Variants in PCDH7 observed in about 807,000 individuals in gnomAD.
PCDH7 encodes protocadherin 7.
Under a neutral mutation model 58.9 loss-of-function variants are expected in PCDH7, and 17 were observed. That is an observed-to-expected ratio of 0.29 (90% CI 0.20 to 0.43). PCDH7 has a LOEUF of 0.43. Among genes scored for constraint, PCDH7 ranks in the 20% least tolerant of loss-of-function variants. PCDH7 has a pLI of 1.00. For synonymous variants in PCDH7, 664 were observed against 616.4 expected (o/e 1.08, Z -1.14); for missense variants, 1,274 against 1,441.0 (o/e 0.88, Z 1.88).
Position 30,750,384 on chromosome 4 carries a change from C to G in PCDH7, c.70+25788C>G, listed in dbSNP as rs1435096695. Among the ~76,000 whole-genome samples, 3 of 152,160 alleles carry G rather than the reference C, an allele frequency of 2.0e-5. No individual in the cohort carries two copies. The East Asian group carries it at 5.8e-4, about 29-fold the overall frequency. ...ATTGCAGTTCATATTGGTCAACCTC[C>G]TGGGCATAGAACATGATCACAATAA... On this transcript the variant is annotated intron_variant, in intron 1 of 3. Coordinates refer to the PCDH7 transcript ENST00000509759.
chr4:30,942,482 T>A (rs549659457), intron 2 of PCDH7, among the ~76,000 whole-genome samples: 43 of 152,078 alleles, frequency 2.8e-4, no homozygotes, highest in Middle Eastern at 3.4e-3. Context: ...CAGTGGAAAA[T>A]CTTTATTTTG....
chr4:31,126,607 C>A (rs561169355), intron 3 of PCDH7, among the ~76,000 whole-genome samples: 1 of 152,060 alleles, frequency 6.6e-6, no homozygotes, highest in Non-Finnish European at 1.5e-5. Flanking sequence ...GGAATTTTCC[C>A]CGAGATTTTA....
chr4:30,739,160 T>TATATTATA (rs1553876261), intron 1 of PCDH7, among the ~76,000 whole-genome samples: 9 of 145,438 alleles, frequency 6.2e-5, no homozygotes, highest in African/African-American at 1.8e-4. Flanking sequence ...TATATATATA[T>TATATTATA]TATATATATA....
chr4:30,910,525 C>A (rs1210141809), intron 1 of PCDH7, among the ~76,000 whole-genome samples: 1 of 152,088 alleles, frequency 6.6e-6, no homozygotes, highest in East Asian at 1.9e-4. Context: ...CAAAAGAAGA[C>A]ATTTTTAAGC....
chr4:30,957,385 G>C (rs1214776617), intron 3 of PCDH7, among the ~76,000 whole-genome samples: 1 of 152,148 alleles, frequency 6.6e-6, no homozygotes, highest in Non-Finnish European at 1.5e-5. Flanking sequence ...ATTCTTTGTG[G>C]TCTTAGCTGA....
chr4:30,760,512 T>A (rs938584286), intron 1 of PCDH7, among the ~76,000 whole-genome samples: 1 of 152,068 alleles, frequency 6.6e-6, no homozygotes, highest in Non-Finnish European at 1.5e-5. Flanking sequence ...AGATACAAAA[T>A]CAATGTGCAG....
At chr4:30,981,266 G>A (rs1052663594) in intron 3 of PCDH7, among the ~76,000 whole-genome samples, 6 of 152,206 alleles carry the variant, frequency 3.9e-5, no homozygotes. Context: ...ATGCCATCAT[G>A]AACTACAAAG....
rs556789049 is a variant in PCDH7, at chr4:30,805,711, G to T, written c.70+81115G>T. Among the ~76,000 whole-genome samples, 3 of 152,176 alleles carry T rather than the reference G, an allele frequency of 2.0e-5. No homozygotes were observed. The South Asian group carries it at 6.2e-4, about 32-fold the overall frequency. On this transcript the variant is annotated intron_variant, in intron 1 of 3. Transcript: ENST00000509759. ...ATTTTTTGTTCTTTTCCCTCTTTAT[G>T]CTGTTCCAACCTATCAGTCATTACG...
In PCDH7 at chr4:30,723,065, A is replaced by T; in HGVS notation, c.1643A>T (p.Asn548Ile). The T allele has an allele frequency of 6.2e-7, 1 of 1,613,860 alleles. No individual in the cohort carries two copies. Among genetic ancestry groups the T allele is most frequent in the Non-Finnish European group, 8.5e-7 (1 of 1,180,030 alleles). ...GTGGAGGTTTACTTCCCTGAGAACA[A>T]CATCCCGGGCGAGAGGGTGGCCACG... Residue 548 changes from asparagine to isoleucine, a missense_variant, in exon 1 of 2, where the codon AAC becomes ATC. This residue lies in a region of PCDH7 where 731 missense variants were observed against 881.9 expected (regional missense o/e 0.83). Transcript: ENST00000361762. The surrounding 1 kb of genome is among the most constrained non-coding windows in gnomAD (Gnocchi z 4.6).
downstream of PCDH7, among the ~76,000 whole-genome samples, chr4:30,733,347 C>T (rs1715783900): frequency 6.6e-6 from 1 of 151,738 alleles, no homozygotes; most frequent in African/African-American, 2.4e-5. Flanking sequence ...TCTATCAGTA[C>T]CGGTCCTGGT....
At chr4:31,112,588 T>C (rs948860000) in intron 3 of PCDH7, among the ~76,000 whole-genome samples, 2 of 152,152 alleles carry the variant, frequency 1.3e-5, no homozygotes, top group African/African-American at 4.8e-5. Context: ...TGAACAGGAA[T>C]CTCAAATCCA....
intron 3 of PCDH7, among the ~76,000 whole-genome samples, chr4:31,139,684 C>T (rs920912527): frequency 1.3e-5 from 2 of 152,170 alleles, no homozygotes; most frequent in Admixed American, 1.3e-4. Context: ...TAAGTTGCAT[C>T]GTAATACAGA....
intron 1 of PCDH7, among the ~76,000 whole-genome samples, chr4:30,898,220 G>A (rs796156947): frequency 4.7e-4 from 72 of 152,230 alleles, no homozygotes; most frequent in African/African-American, 1.7e-3. Flanking sequence ...TTTATTTGTG[G>A]TTGTTGTTGA....
In PCDH7 at chr4:30,721,339, G is replaced by A; in HGVS notation, c.-84G>A. On this transcript the variant is annotated 5_prime_UTR_variant, in exon 1 of 2. Transcript: ENST00000361762. The surrounding 1 kb of genome is among the most constrained non-coding windows in gnomAD (Gnocchi z 6.7). ...TCCGGGAGAGGGGAGAGGACTCGGGGGAGGGCAGGCGGCCGGCCCCGGAGG... is the reference window on the plus strand; with the variant it reads ...TCCGGGAGAGGGGAGAGGACTCGGGAGAGGGCAGGCGGCCGGCCCCGGAGG... The A allele has an allele frequency of 7.7e-7, 1 of 1,301,472 alleles. No individual in the cohort carries two copies. The highest frequency in any genetic ancestry group is 1.0e-6 in the Non-Finnish European group (1 of 980,762). The allele number at this position is 1,301,472 out of a possible 1,614,324, so 80.6% of individuals were successfully genotyped here.
At chr4:31,045,830 G>A (rs1193441124) in intron 3 of PCDH7, among the ~76,000 whole-genome samples, 1 of 151,862 alleles carries the variant, frequency 6.6e-6, no homozygotes, top group Non-Finnish European at 1.5e-5. Flanking sequence ...ATTTTTCGAA[G>A]CACACTGATT....
intron 3 of PCDH7, among the ~76,000 whole-genome samples, chr4:30,958,404 C>T (rs1431788008): frequency 1.3e-5 from 2 of 151,912 alleles, no homozygotes; most frequent in Non-Finnish European, 2.9e-5. Flanking sequence ...GATGTTGCCT[C>T]AATGGTGTTA....
chr4:30,793,858 G>A (rs1462859307), intron 1 of PCDH7: 2 of 152,096 alleles, frequency 1.3e-5, no homozygotes. Context: ...AAGTATAAAG[G>A]TAATCATGGT....
At chr4:31,011,208 C>T (rs578206650) in intron 3 of PCDH7, among the ~76,000 whole-genome samples, 1 of 152,032 alleles carries the variant, frequency 6.6e-6, no homozygotes, top group East Asian at 1.9e-4. Flanking sequence ...ATAGATCATT[C>T]ATAAAAGAAA....
chr4:30,903,036 G>A (rs915298156), intron 1 of PCDH7, among the ~76,000 whole-genome samples: 11 of 152,044 alleles, frequency 7.2e-5, no homozygotes, highest in East Asian at 1.9e-4. Flanking sequence ...ATTAAACTCC[G>A]GATGGCCAAA....
Sources: gnomAD v4.1 joint callset for allele counts (sites outside exome capture counted in the v4.1 genomes callset) on GRCh38, gnomAD v4.1.1 for gene constraint, gnomAD v4.1.1 regional missense constraint, Gnocchi (gnomAD v3.1) non-coding constraint, MANE v1.5 for transcripts, NCBI Gene and HGNC (gene_info 2026-07-23, HGNC 2026-07-21) for gene names.